The following MIPOL1 variants were observed in gnomAD, a reference collection of about 807,000 sequenced individuals.
MIPOL1 encodes the protein mirror-image polydactyly 1.
In MIPOL1, 57 loss-of-function variants were observed where a neutral mutation model predicts 60.9. The ratio of observed to expected loss-of-function variants is 0.94; its 90% CI spans 0.76 to 1.17. MIPOL1 has a LOEUF of 1.17. Ranked by LOEUF, MIPOL1 falls within the 50% of genes most tolerant of loss-of-function variation. The probability of loss-of-function intolerance (pLI) is 0.00; values close to 1 mark genes in which losing one functional copy is unlikely to be tolerated. For missense variants in MIPOL1, 551 were observed against 511.6 expected (o/e 1.08, Z -0.74); for synonymous variants, 179 against 168.8 (o/e 1.06, Z -0.47).
chr14:37,318,330 A>G (rs1225804152), intron 9 of MIPOL1, among the ~76,000 whole-genome samples: 1 of 152,200 alleles, frequency 6.6e-6, no homozygotes, highest in Non-Finnish European at 1.5e-5. Context: ...AATATTAGAA[A>G]TTTGACAAAA....
At chr14:37,511,369 A>G (rs1476994590) in intron 12 of MIPOL1, among the ~76,000 whole-genome samples, 1 of 152,120 alleles carries the variant, frequency 6.6e-6, no homozygotes, top group Admixed American at 6.5e-5. Context: ...TAGCTTTTAG[A>G]TTGCTGGTAC....
At chr14:37,456,265 T>C (rs920445192) in intron 11 of MIPOL1, among the ~76,000 whole-genome samples, 1 of 152,132 alleles carries the variant, frequency 6.6e-6, no homozygotes, top group African/African-American at 2.4e-5. Flanking sequence ...TTTTCTTGAA[T>C]AGTTAACAAG....
At chr14:37,513,932 A>G (rs374859166) in intron 12 of MIPOL1, among the ~76,000 whole-genome samples, 4 of 152,182 alleles carry the variant, frequency 2.6e-5, no homozygotes, top group South Asian at 4.1e-4. Flanking sequence ...TTTCAGTTTA[A>G]ATACAAGAGT....
rs1275748202 is a variant in MIPOL1 at position 37,248,837 on chromosome 14, C to CA, written c.19+931dup. On this transcript the variant is annotated intron_variant, in intron 3 of 12. Coordinates refer to ENST00000684589, the MANE Select transcript of MIPOL1 (RefSeq NM_001388067.1). ...AATAAATTAAGACACATATATGAGA[C>CA]AGAGAAGAAGAGACTCACAGGTATG... Among the ~76,000 whole-genome samples, 8 of 151,994 alleles carry CA rather than the reference C, an allele frequency of 5.3e-5. No individual in the cohort carries two copies. In the East Asian group the frequency reaches 1.6e-3, roughly 30 times the overall value.
intron 12 of MIPOL1, among the ~76,000 whole-genome samples, chr14:37,519,907 A>C (rs930163777): frequency 1.3e-5 from 2 of 152,074 alleles, no homozygotes; most frequent in African/African-American, 4.8e-5. Context: ...CCACTGTCTA[A>C]ATTTTTATAT....
chr14:37,539,364 G>T (rs1257935332), intron 12 of MIPOL1, among the ~76,000 whole-genome samples: 3 of 152,108 alleles, frequency 2.0e-5, no homozygotes, highest in Non-Finnish European at 4.4e-5. Flanking sequence ...CCTTGGTTTT[G>T]CTGGCAAAGC....
chr14:37,298,627 AG>A lies in MIPOL1; in HGVS notation c.624-9428del, dbSNP rs1418803849. 3.3e-5 allele frequency among the ~76,000 whole-genome samples: 5 copies of A among 152,352 alleles called. No homozygotes were observed. The East Asian group carries it at 9.6e-4, about 29-fold the overall frequency. On this transcript the variant is annotated intron_variant, in intron 7 of 12. Coordinates refer to ENST00000684589, the MANE Select transcript of MIPOL1 (RefSeq NM_001388067.1). ...CAAGAAAAAAACAACCCCATCAAAA[AG>A]TGGGCGAAGGATCCGAACAGACACT...
At chr14:37,394,715 GTC>G (rs563969822) in intron 10 of MIPOL1, among the ~76,000 whole-genome samples, 84 of 152,114 alleles carry the variant, frequency 5.5e-4, no homozygotes, top group Admixed American at 5.2e-3. Flanking sequence ...TTGGTGTGTT[GTC>G]TGTTTACTCT....
At chr14:37,241,081 C>T (rs920996678) in intron 1 of MIPOL1, among the ~76,000 whole-genome samples, 4 of 152,014 alleles carry the variant, frequency 2.6e-5, no homozygotes, top group South Asian at 2.1e-4. Context: ...GGTGCCAGTT[C>T]GAAGGCCTGA....
chr14:37,296,862 A>G lies in MIPOL1; in HGVS notation c.624-11194A>G, dbSNP rs571239572. 1.5e-3 allele frequency among the ~76,000 whole-genome samples: 230 copies of G among 152,320 alleles called. 1 individual carries two copies. Among genetic ancestry groups the G allele is most frequent in the African/African-American group, 5.4e-3 (224 of 41,562 alleles). On this transcript the variant is annotated intron_variant, in intron 7 of 12. Coordinates refer to ENST00000684589, the MANE Select transcript of MIPOL1 (RefSeq NM_001388067.1). The stretch of plus-strand genomic sequence containing the variant: ...CAGGACCAGATGGATTCACAGCCGA[A>G]TTCTACCAGAGGTACAAGGAGGAAC...
intron 12 of MIPOL1, among the ~76,000 whole-genome samples, chr14:37,526,860 T>A (rs1378681183): frequency 6.6e-6 from 1 of 152,182 alleles, no homozygotes; most frequent in African/African-American, 2.4e-5. Context: ...ATTGTTATTT[T>A]AAAAAGTTAT....
chr14:37,437,661 T>C (rs530373865), intron 11 of MIPOL1, among the ~76,000 whole-genome samples: 3 of 152,300 alleles, frequency 2.0e-5, no homozygotes, highest in Admixed American at 6.5e-5. Context: ...GGTTCTGCCT[T>C]TCCAGCTGAG....
rs1214451509 is a variant in MIPOL1, at chr14:37,247,834, A to T, written c.-55A>T. Reference sequence around the variant, plus strand: ...TAGAGTTGGCTTTATTTTAGCTGCAAATCTTGGAGCAAAAACCAGAGACAT... The same window carrying T: ...TAGAGTTGGCTTTATTTTAGCTGCATATCTTGGAGCAAAAACCAGAGACAT... On this transcript the variant is annotated 5_prime_UTR_variant, in exon 3 of 13. Coordinates refer to ENST00000684589, the MANE Select transcript of MIPOL1 (RefSeq NM_001388067.1). 2 of 1,605,636 alleles carry T rather than the reference A, an allele frequency of 1.2e-6. No individual in the cohort carries two copies. Among genetic ancestry groups the T allele is most frequent in the Admixed American group, 1.7e-5 (1 of 59,482 alleles).
chr14:37,506,516 A>G (rs1167179568), intron 12 of MIPOL1: 4 of 152,246 alleles, frequency 2.6e-5, no homozygotes, highest in Non-Finnish European at 5.9e-5. Context: ...TCCCTATTTA[A>G]TAAATGGTGC....
At chr14:37,228,803 A>G (rs769808662) in intron 1 of MIPOL1, among the ~76,000 whole-genome samples, 17 of 152,310 alleles carry the variant, frequency 1.1e-4, no homozygotes, top group East Asian at 7.7e-4. Context: ...TACTGAAAAC[A>G]ATTTGTGGCC....
intron 12 of MIPOL1, among the ~76,000 whole-genome samples, chr14:37,518,731 A>G (rs1342558063): frequency 6.6e-6 from 1 of 152,164 alleles, no homozygotes; most frequent in Non-Finnish European, 1.5e-5. Flanking sequence ...GTTTCTAAGT[A>G]CCATTTCCCA....
intron 7 of MIPOL1, among the ~76,000 whole-genome samples, chr14:37,291,642 G>A (rs1351438838): frequency 1.3e-5 from 2 of 152,018 alleles, no homozygotes; most frequent in Non-Finnish European, 2.9e-5. Context: ...CAATAATAGA[G>A]TATCTGGGAC....
At chr14:37,517,953 A>G (rs1421369207) in intron 12 of MIPOL1, among the ~76,000 whole-genome samples, 2 of 152,202 alleles carry the variant, frequency 1.3e-5, no homozygotes, top group African/African-American at 2.4e-5. Flanking sequence ...AATCTTTTAC[A>G]TATTTAGAAA....
chr14:37,335,545 A>C (rs1313607459), intron 9 of MIPOL1, among the ~76,000 whole-genome samples: 1 of 152,102 alleles, frequency 6.6e-6, no homozygotes, highest in Admixed American at 6.6e-5. Context: ...TTCATAATGC[A>C]CAATGTCATC....
Sources: allele counts gnomAD v4.1 joint callset (sites outside exome capture counted in the v4.1 genomes callset), GRCh38; gene constraint gnomAD v4.1.1; transcripts MANE v1.5; gene names NCBI Gene and HGNC (gene_info 2026-07-23, HGNC 2026-07-21).